PRKAG2: variants seen among roughly 807,000 people sequenced by gnomAD.
PRKAG2 encodes the protein protein kinase AMP-activated non-catalytic subunit gamma 2.
A neutral mutation model predicts 69.6 loss-of-function variants in PRKAG2; 26 were observed. That is an observed-to-expected ratio of 0.37 (90% CI 0.27 to 0.52). The LOEUF (loss-of-function observed/expected upper bound fraction) is 0.52. PRKAG2 is among the 20% of genes least tolerant of loss of function. The pLI, the probability that PRKAG2 is intolerant of heterozygous loss-of-function variation, is 0.90. For synonymous variants in PRKAG2, 293 were observed against 285.0 expected, an observed-to-expected ratio of 1.03 and a Z score of -0.28; for missense variants, 557 against 740.0, an observed-to-expected ratio of 0.75 and a Z score of 2.87.
chr7:151,597,544 T>C (rs1045278228), intron 5 of PRKAG2, among the ~76,000 whole-genome samples: 1 of 151,974 alleles, frequency 6.6e-6, no homozygotes, highest in African/African-American at 2.4e-5. Context: ...AGGGTTAATA[T>C]CCAAAACAGA....
chr7:151,559,510 G>A (rs1239504682), intron 15 of PRKAG2: 1 of 981,118 alleles, frequency 1.0e-6, no homozygotes, highest in African/African-American at 1.8e-5. Context: ...TCCAGGTGGT[G>A]GTGATGATGC....
At chr7:151,783,732 A>C (rs2076850241) in intron 2 of PRKAG2, among the ~76,000 whole-genome samples, 1 of 151,614 alleles carries the variant, frequency 6.6e-6, no homozygotes, top group Non-Finnish European at 1.5e-5. Context: ...GCAACATGGC[A>C]AAACCCTGTC....
intron 7 of PRKAG2, 74 bp from the exon 8 acceptor site, chr7:151,575,023 T>C: frequency 1.9e-6 from 3 of 1,583,580 alleles, no homozygotes; most frequent in Non-Finnish European, 2.6e-6. Context: ...CAAGTGAGCC[T>C]AGAATATATG....
chr7:151,865,565 G>A lies in PRKAG2; in HGVS notation c.114+10942C>T, dbSNP rs543710420. The stretch of plus-strand genomic sequence containing the variant: ...CTGTGCCTGGCACACAACAGGCTGC[G>A]GTCAATACTGGATGACTCAGTGAGA... On this transcript the variant is annotated intron_variant, in intron 1 of 15. Transcript: ENST00000287878. 1.4e-4 allele frequency among the ~76,000 whole-genome samples: 22 copies of A among 152,314 alleles called. No homozygotes were observed. In the South Asian group the frequency reaches 2.3e-3, roughly 16 times the overall value.
chr7:151,630,304 G>T (rs1208659364), intron 5 of PRKAG2, among the ~76,000 whole-genome samples: 2 of 152,180 alleles, frequency 1.3e-5, no homozygotes, highest in African/African-American at 4.8e-5. Flanking sequence ...AAGAAGAAAA[G>T]GGACAGGACA....
At position 151,620,218 on chromosome 7, in the gene PRKAG2, AGG is replaced by A. The variant is rs1051233278; in HGVS notation, c.754+11849_754+11850del. Among the ~76,000 whole-genome samples, 4 of 152,184 alleles carry A rather than the reference AGG, an allele frequency of 2.6e-5. 1 individual carries two copies. Among genetic ancestry groups the A allele is most frequent in the Admixed American group, 6.5e-5 (1 of 15,272 alleles). ...CCTGGTTTATTAACGATTTTTAAAA[AGG>A]AACATATGTTGAATTTTATTAATTG... On this transcript the variant is annotated intron_variant, in intron 5 of 15. Coordinates refer to ENST00000287878, the MANE Select transcript of PRKAG2 (RefSeq NM_016203.4).
intron 1 of PRKAG2, among the ~76,000 whole-genome samples, chr7:151,825,443 G>A (rs2078885119): frequency 6.6e-6 from 1 of 152,084 alleles, no homozygotes; most frequent in East Asian, 1.9e-4. Context: ...GAGTCTTTTT[G>A]TATAATAAAT....
At chr7:151,812,740 C>A (rs1326880153) in intron 1 of PRKAG2, among the ~76,000 whole-genome samples, 1 of 152,220 alleles carries the variant, frequency 6.6e-6, no homozygotes, top group African/African-American at 2.4e-5. Flanking sequence ...CCACCACCCA[C>A]CCCACTCCCA....
chr7:151,705,456 C>T (rs963262621), intron 3 of PRKAG2, among the ~76,000 whole-genome samples: 5 of 152,172 alleles, frequency 3.3e-5, no homozygotes, highest in Non-Finnish European at 7.3e-5. Flanking sequence ...ATGCCGAACA[C>T]GCAGCCGGCA....
chr7:151,713,024 T>G (rs1478134154), intron 3 of PRKAG2, among the ~76,000 whole-genome samples: 1 of 152,206 alleles, frequency 6.6e-6, no homozygotes, highest in African/African-American at 2.4e-5. Context: ...TGGGGCATTC[T>G]CTCTGCTTCC....
intron 10 of PRKAG2, among the ~76,000 whole-genome samples, chr7:151,569,955 C>T (rs552543530): frequency 1.6e-4 from 24 of 152,314 alleles, no homozygotes; most frequent in Admixed American, 3.9e-4. Flanking sequence ...TTTAGTATGA[C>T]CCTATTACTA....
At chr7:151,570,376 TTAATCA>T (rs1408570691) in intron 9 of PRKAG2, 151 bp from the exon 10 acceptor site, 2 of 826,034 alleles carry the variant, frequency 2.4e-6, no homozygotes, top group East Asian at 2.8e-5. Flanking sequence ...AACTCCTGTG[TTAATCA>T]TAGTTATGGC....
intron 6 of PRKAG2, among the ~76,000 whole-genome samples, chr7:151,589,410 G>A (rs1431665335): frequency 2.6e-5 from 4 of 152,128 alleles, no homozygotes; most frequent in Non-Finnish European, 4.4e-5. Context: ...TCATCCCCCC[G>A]TTTTGGATTC....
At chr7:151,855,085 CA>C (rs2151899601) in intron 1 of PRKAG2, among the ~76,000 whole-genome samples, 1 of 56,576 alleles carries the variant, frequency 1.8e-5, no homozygotes, top group Non-Finnish European at 3.2e-5. Context: ...CCATCCTCCA[CA>C]CACACCATCC....
chr7:151,560,502 A>AG (rs1015869061), intron 15 of PRKAG2, 22 bp downstream of exon 15: 2 of 1,613,942 alleles, frequency 1.2e-6, no homozygotes, highest in African/African-American at 2.7e-5. Context: ...CCGATGGCAA[A>AG]GGTCAGAAAC....
chr7:151,594,807 CT>C (rs34991827), intron 6 of PRKAG2, among the ~76,000 whole-genome samples: 5,349 of 148,622 alleles, frequency 0.036, 317 homozygotes, highest in African/African-American at 0.13. Flanking sequence ...CTTTCTTTTT[CT>C]TTTTTTTTTG....
rs114355761 is a variant in PRKAG2, at chr7:151,707,160, C to T, written c.467-31523G>A. Reference sequence around the variant, plus strand: ...TCCAAGCACCTGGATAGCAACTGGACCATGTCATGAAACCCAGTCCTCCTC... The same window carrying T: ...TCCAAGCACCTGGATAGCAACTGGATCATGTCATGAAACCCAGTCCTCCTC... On this transcript the variant is annotated intron_variant, in intron 3 of 15. Coordinates refer to ENST00000287878, the MANE Select transcript of PRKAG2 (RefSeq NM_016203.4). Among the ~76,000 whole-genome samples, 293 of 152,334 alleles carry T rather than the reference C, an allele frequency of 1.9e-3. 3 individuals are homozygous for T. Among genetic ancestry groups the T allele is most frequent in the African/African-American group, 6.7e-3 (280 of 41,586 alleles).
Position 151,638,566 on chromosome 7 carries a change from G to A in PRKAG2, c.685-6428C>T, listed in dbSNP as rs534814576. Among the ~76,000 whole-genome samples the A allele has an allele frequency of 1.4e-3, 207 of 151,954 alleles. No individual in the cohort carries two copies. Among genetic ancestry groups the A allele is most frequent in the Non-Finnish European group, 2.4e-3 (165 of 67,984 alleles). ...GGAGAATCGCTTGAACCCAGGAGGC[G>A]GAACTTGGAGTGAGCCAAGATTGCA... On this transcript the variant is annotated intron_variant, in intron 4 of 15. Coordinates refer to ENST00000287878, the MANE Select transcript of PRKAG2 (RefSeq NM_016203.4). The surrounding 1 kb of genome is among the most constrained non-coding windows in gnomAD (Gnocchi z 4.3).
chr7:151,775,529 G>A (rs1344389375), intron 3 of PRKAG2, among the ~76,000 whole-genome samples: 1 of 152,136 alleles, frequency 6.6e-6, no homozygotes, highest in Non-Finnish European at 1.5e-5. Context: ...AAAAGTGGTC[G>A]TGTGAATATA....
Sources: gnomAD v4.1 joint callset for allele counts (sites outside exome capture counted in the v4.1 genomes callset) on GRCh38, gnomAD v4.1.1 for gene constraint, Gnocchi (gnomAD v3.1) non-coding constraint, MANE v1.5 for transcripts, NCBI Gene and HGNC (gene_info 2026-07-23, HGNC 2026-07-21) for gene names.